PTPRR: variants seen among roughly 807,000 people sequenced by gnomAD.
PTPRR encodes the protein receptor-type tyrosine-protein phosphatase R.
In PTPRR, 38 loss-of-function variants were observed where a neutral mutation model predicts 77.2. The ratio of observed to expected loss-of-function variants is 0.49; its 90% confidence interval spans 0.38 to 0.65. PTPRR has a LOEUF of 0.65. Among genes scored for constraint, PTPRR ranks in the 30% least tolerant of loss-of-function variants. The pLI, the probability that PTPRR is intolerant of heterozygous loss-of-function variation, is 0.00. For synonymous variants in PTPRR, 299 were observed against 283.1 expected (o/e 1.06, Z -0.57); for missense variants, 744 against 799.2 (o/e 0.93, Z 0.83).
At chr12:70,781,826 A>C (rs1307201904) in intron 2 of PTPRR, among the ~76,000 whole-genome samples, 2 of 152,138 alleles carry the variant, frequency 1.3e-5, no homozygotes, top group African/African-American at 4.8e-5. Context: ...CTACAGCAAT[A>C]GTGTCTTAGA....
intron 2 of PTPRR, among the ~76,000 whole-genome samples, chr12:70,842,264 A>C (rs773558507): frequency 1.3e-5 from 2 of 152,216 alleles, no homozygotes; most frequent in Non-Finnish European, 2.9e-5. Context: ...TTCCTCAAAT[A>C]CTGTTCTTTT....
chr12:70,902,862 C>A (rs1407246506), intron 1 of PTPRR, among the ~76,000 whole-genome samples: 2 of 151,592 alleles, frequency 1.3e-5, no homozygotes, highest in African/African-American at 4.8e-5. Flanking sequence ...ACAAAACACC[C>A]CCTGTACCCC....
chr12:70,854,428 A>T (rs552714969), intron 2 of PTPRR, among the ~76,000 whole-genome samples: 66 of 152,220 alleles, frequency 4.3e-4, no homozygotes, highest in Non-Finnish European at 7.8e-4. Flanking sequence ...CAACTTTGTG[A>T]CTGAAGCAGT....
intron 7 of PTPRR, 65 bp downstream of exon 7, chr12:70,701,072 T>C: frequency 1.3e-6 from 2 of 1,544,912 alleles, no homozygotes; most frequent in South Asian, 1.2e-5. Flanking sequence ...ATCATTTCCA[T>C]ACGTCTCTAG....
At chr12:70,771,567 G>T (rs572236091) in intron 2 of PTPRR, among the ~76,000 whole-genome samples, 59 of 152,226 alleles carry the variant, frequency 3.9e-4, no homozygotes, top group African/African-American at 1.3e-3. Context: ...TTTTTAAAAA[G>T]ATGGTATATT....
chr12:70,800,158 T>C (rs1372459471), intron 2 of PTPRR, among the ~76,000 whole-genome samples: 2 of 152,128 alleles, frequency 1.3e-5, no homozygotes, highest in African/African-American at 2.4e-5. Flanking sequence ...TAGCAAAGAA[T>C]AGGCATACTA....
chr12:70,675,829 C>A (rs3970917), intron 10 of PTPRR, among the ~76,000 whole-genome samples: 20,775 of 150,540 alleles, frequency 0.14, 1,728 homozygotes, highest in African/African-American at 0.23. Context: ...CAAGTATTTT[C>A]TTTCAGTTCT....
At position 70,909,228 on chromosome 12, in the gene PTPRR, C is replaced by T. The variant is rs116243796; in HGVS notation, c.58+11105G>A. Among the ~76,000 whole-genome samples the T allele has an allele frequency of 2.9e-3, 443 of 152,158 alleles. 2 individuals are homozygous for T. The highest frequency in any genetic ancestry group is 1.0e-2 in the African/African-American group (413 of 41,494). On this transcript the variant is annotated intron_variant, in intron 1 of 13. Coordinates refer to ENST00000283228, the MANE Select transcript of PTPRR (RefSeq NM_002849.4). The stretch of plus-strand genomic sequence containing the variant: ...TGCTGCAGACTCAGCAAAACTTAAC[C>T]CAAGGGGAGACAGGACACCTGATTC...
chr12:70,788,530 A>G (rs766861147), intron 2 of PTPRR, among the ~76,000 whole-genome samples: 1 of 152,252 alleles, frequency 6.6e-6, no homozygotes, highest in Non-Finnish European at 1.5e-5. Flanking sequence ...TCAAGTGAAC[A>G]TATTTATAAT....
At chr12:70,778,997 C>A (rs1474052092) in intron 2 of PTPRR, among the ~76,000 whole-genome samples, 1 of 152,080 alleles carries the variant, frequency 6.6e-6, no homozygotes, top group Non-Finnish European at 1.5e-5. Context: ...AGGCATGCAC[C>A]ACCACACCCA....
intron 2 of PTPRR, among the ~76,000 whole-genome samples, chr12:70,840,419 A>G (rs1237418713): frequency 6.6e-6 from 1 of 152,186 alleles, no homozygotes; most frequent in Non-Finnish European, 1.5e-5. Context: ...TCAGCTGATT[A>G]GTAACCACAG....
chr12:70,675,619 T>G (rs979826342), intron 10 of PTPRR, among the ~76,000 whole-genome samples: 8 of 152,030 alleles, frequency 5.3e-5, no homozygotes, highest in Admixed American at 3.9e-4. Flanking sequence ...ATATTTTACT[T>G]TCTTTGCTCA....
At chr12:70,902,670 G>A (rs1893557498) in intron 1 of PTPRR, among the ~76,000 whole-genome samples, 4 of 151,738 alleles carry the variant, frequency 2.6e-5, no homozygotes, top group Admixed American at 2.6e-4. Context: ...TCACTGATAT[G>A]TGGGAGCTAA....
At chr12:70,731,359 C>G (rs1367170798) in intron 6 of PTPRR, among the ~76,000 whole-genome samples, 1 of 152,154 alleles carries the variant, frequency 6.6e-6, no homozygotes, top group East Asian at 1.9e-4. Flanking sequence ...CCCCTCTACA[C>G]AATGTTCAAA....
chr12:70,707,034 A>G (rs1888643528), intron 6 of PTPRR, among the ~76,000 whole-genome samples: 1 of 152,150 alleles, frequency 6.6e-6, no homozygotes, highest in South Asian at 2.1e-4. Flanking sequence ...ATGAGTACAC[A>G]CTGATGAACA....
chr12:70,787,830 T>C (rs1302450957), intron 2 of PTPRR, among the ~76,000 whole-genome samples: 2 of 152,214 alleles, frequency 1.3e-5, no homozygotes, highest in African/African-American at 4.8e-5. Flanking sequence ...CCAATTTTAT[T>C]ATTAAGATGG....
intron 1 of PTPRR, among the ~76,000 whole-genome samples, chr12:70,894,579 C>T (rs1893393495): frequency 6.6e-6 from 1 of 151,700 alleles, no homozygotes; most frequent in South Asian, 2.1e-4. Flanking sequence ...TTCTAGGACA[C>T]TACAATATTA....
At chr12:70,913,054 A>G (rs1893722902) in intron 1 of PTPRR, among the ~76,000 whole-genome samples, 1 of 152,114 alleles carries the variant, frequency 6.6e-6, no homozygotes, top group Non-Finnish European at 1.5e-5. Flanking sequence ...TTAACAATAA[A>G]CTTGCCATAA....
intron 2 of PTPRR, among the ~76,000 whole-genome samples, chr12:70,867,883 C>T (rs1892885352): frequency 3.3e-5 from 5 of 152,138 alleles, no homozygotes; most frequent in African/African-American, 1.2e-4. Flanking sequence ...AATAATGCCG[C>T]ATATCTACAA....
Sources: gnomAD v4.1 joint callset for allele counts (sites outside exome capture counted in the v4.1 genomes callset) on GRCh38, gnomAD v4.1.1 for gene constraint, MANE v1.5 for transcripts, NCBI Gene and HGNC (gene_info 2026-07-23, HGNC 2026-07-21) for gene names.